The following ERAP2 variants were observed in gnomAD, a reference collection of about 807,000 sequenced individuals.
ERAP2 encodes the protein leukocyte-derived arginine aminopeptidase.
A neutral mutation model predicts 111.1 loss-of-function variants in ERAP2; 118 were observed. The ratio of observed to expected loss-of-function variants is 1.06; its 90% CI spans 0.92 to 1.24. ERAP2 has a LOEUF of 1.24. Ranked by LOEUF, ERAP2 falls within the 50% of genes most tolerant of loss-of-function variation. The pLI, the probability that ERAP2 is intolerant of heterozygous loss-of-function variation, is 0.00. For synonymous variants in ERAP2, 410 were observed against 401.2 expected (o/e 1.02, Z -0.26); for missense variants, 1,131 against 1,125.8 (o/e 1.00, Z -0.07).
At chr5:96,881,086 C>A in intron 2 of ERAP2, 1 of 229,422 alleles carries the variant, frequency 4.4e-6, no homozygotes, top group Non-Finnish European at 8.9e-6. Context: ...CTGAGGAGAG[C>A]GAACAAGAGG....
chr5:96,891,209 T>G (rs1300879408), intron 5 of ERAP2, among the ~76,000 whole-genome samples: 1 of 152,048 alleles, frequency 6.6e-6, no homozygotes, highest in Non-Finnish European at 1.5e-5. Flanking sequence ...TTTAAAAAAT[T>G]ATCTTTTTTT....
intron 3 of ERAP2, among the ~76,000 whole-genome samples, chr5:96,885,613 C>T (rs1300394141): frequency 1.3e-5 from 2 of 152,220 alleles, no homozygotes; most frequent in East Asian, 1.9e-4. Flanking sequence ...CAAAGCAAAT[C>T]GTAATCTTAT....
rs562630478 is a variant in ERAP2, at chr5:96,900,311, C to G, written c.1572+122C>G. On this transcript the variant is annotated intron_variant, in intron 10 of 18. Coordinates refer to ENST00000437043, the MANE Select transcript of ERAP2 (RefSeq NM_022350.5). ...AAGCTGGAGAGAAAGAGAGCCCCCA[C>G]GATTTTCTCTAAAACAAAACTGAAG... 5.0e-6 allele frequency: 7 copies of G among 1,395,894 alleles called. No individual in the cohort carries two copies. The African/African-American group carries it at 5.7e-5, about 11-fold the overall frequency. 86.5% of individuals were successfully genotyped at this position (1,395,894 alleles called of 1,614,324 possible).
At chr5:96,915,656 T>C (rs915564852) in intron 17 of ERAP2, 32 bp from the exon 18 acceptor site, 15 of 1,365,708 alleles carry the variant, frequency 1.1e-5, no homozygotes, top group Non-Finnish European at 1.5e-5. Context: ...AGTATTTCTA[T>C]GACTTTCTAT....
chr5:96,891,535 TAC>T (rs140359623), intron 5 of ERAP2, among the ~76,000 whole-genome samples: 60,756 of 138,372 alleles, frequency 0.44, 13,768 homozygotes, highest in East Asian at 0.53. Flanking sequence ...ACGGTATATA[TAC>T]ACACACACAC....
Position 96,892,341 on chromosome 5 carries a change from A to G in ERAP2, c.1013A>G (p.Asn338Ser), listed in dbSNP as rs769865750. 8.1e-6 allele frequency: 13 copies of G among 1,613,860 alleles called. No homozygotes were observed. The East Asian group carries it at 2.7e-4, about 33-fold the overall frequency. Residue 338 changes from asparagine to serine, a missense_variant, in exon 6 of 19, where the codon AAT becomes AGT. Asn to Ser is a conservative substitution (Grantham distance 46, BLOSUM62 1). This residue lies in a region of ERAP2 where 847 missense variants were observed against 856.5 expected (regional missense o/e 0.99). Coordinates refer to ENST00000437043, the MANE Select transcript of ERAP2 (RefSeq NM_022350.5). ...IPDFAPGAME[N>S]WGLITYRETS... ...GACTTTGCACCTGGAGCCATGGAAAATTGGGGCCTCATTACATATAGGGAG... is the reference window on the plus strand; with the variant it reads ...GACTTTGCACCTGGAGCCATGGAAAGTTGGGGCCTCATTACATATAGGGAG...
chr5:96,898,064 T>C (rs1489802840), intron 9 of ERAP2, among the ~76,000 whole-genome samples: 3 of 152,218 alleles, frequency 2.0e-5, no homozygotes, highest in Middle Eastern at 3.4e-3. Flanking sequence ...GGCATGGTGG[T>C]GCTTGCCTGT....
chr5:96,897,123 G>T (rs191598241), intron 9 of ERAP2, among the ~76,000 whole-genome samples: 2 of 152,200 alleles, frequency 1.3e-5, no homozygotes, highest in Admixed American at 6.5e-5. Flanking sequence ...ACACTTTTAT[G>T]TTCCCTTGAT....
chr5:96,915,807 T>C, intron 18 of ERAP2, 38 bp downstream of exon 18: 2 of 1,462,960 alleles, frequency 1.4e-6, no homozygotes, highest in South Asian at 2.5e-5. Flanking sequence ...TCAAAATAAA[T>C]GTTCAAATTG....
At chr5:96,909,488 C>A (rs1786470040) in intron 14 of ERAP2, 92 bp from the exon 15 acceptor site, 2 of 945,740 alleles carry the variant, frequency 2.1e-6, no homozygotes, top group Non-Finnish European at 3.3e-6. Context: ...GGGAAAGATG[C>A]AGAAAGTTTA....
Position 96,896,472 on chromosome 5 carries a change from C to T in ERAP2, c.1339C>T (p.Gln447Ter). 2 of 1,613,522 alleles carry T rather than the reference C, an allele frequency of 1.2e-6. No homozygotes were observed. The highest frequency in any genetic ancestry group is 1.1e-5 in the South Asian group (1 of 91,032). The change falls in exon 8 of 19, where the codon CAG becomes TAG. Residue 447 changes from glutamine (Q) to a stop codon, truncating the protein, a stop_gained. Transcript: ENST00000437043. LOFTEE classifies it high-confidence loss of function. ...SKPAETPTQI[Q>*]EMFDEVSYNK... ...ACCAGCGGAAACCCCGACTCAAATA[C>T]AGGAAATGTTTGATGAAGTTTCCTA...
chr5:96,902,405 G>A (rs748828576), intron 12 of ERAP2, 52 bp downstream of exon 12: 2 of 1,150,568 alleles, frequency 1.7e-6, no homozygotes, highest in Non-Finnish European at 2.6e-6. Context: ...TTAAACATGT[G>A]TTGAGCTATT....
chr5:96,887,793 T>A (rs1324638841), intron 4 of ERAP2, among the ~76,000 whole-genome samples: 1 of 152,192 alleles, frequency 6.6e-6, no homozygotes, highest in Non-Finnish European at 1.5e-5. Context: ...ATTATAGACT[T>A]AAAAACATTT....
intron 8 of ERAP2, 104 bp downstream of exon 8, chr5:96,896,608 C>A: frequency 6.8e-7 from 1 of 1,470,310 alleles, no homozygotes; most frequent in Non-Finnish European, 9.1e-7. Context: ...CTACTTGTTT[C>A]ACTTTTTATT....
intron 5 of ERAP2, among the ~76,000 whole-genome samples, chr5:96,891,551 C>T (rs1784395514): frequency 1.4e-5 from 2 of 143,310 alleles, no homozygotes; most frequent in African/African-American, 2.7e-5. Context: ...CACACACACA[C>T]ACACACACAC....
At chr5:96,885,150 C>T (rs1156936114) in intron 3 of ERAP2, among the ~76,000 whole-genome samples, 2 of 152,194 alleles carry the variant, frequency 1.3e-5, no homozygotes, top group East Asian at 3.9e-4. Context: ...TCTCTGCCAC[C>T]AGCCTTCTAG....
At chr5:96,889,803 GA>G (rs1429987472) in intron 5 of ERAP2, among the ~76,000 whole-genome samples, 1 of 150,136 alleles carries the variant, frequency 6.7e-6, no homozygotes, top group Non-Finnish European at 1.5e-5. Context: ...GCATTGATTA[GA>G]GAATGGATTT....
intron 2 of ERAP2, among the ~76,000 whole-genome samples, chr5:96,883,130 C>A (rs1449755775): frequency 1.3e-5 from 2 of 152,136 alleles, no homozygotes; most frequent in Admixed American, 6.6e-5. Context: ...AACAATGGTA[C>A]AAGAATATGA....
At chr5:96,896,330 T>C (rs1423534919) in intron 7 of ERAP2, 43 bp from the exon 8 acceptor site, 1 of 1,501,234 alleles carries the variant, frequency 6.7e-7, no homozygotes, top group Non-Finnish European at 9.2e-7. Context: ...GCTTTTACAG[T>C]GTCAAATAGA....
Sources: allele counts gnomAD v4.1 joint callset (sites outside exome capture counted in the v4.1 genomes callset), GRCh38; gene constraint gnomAD v4.1.1; regional missense constraint gnomAD v4.1.1; transcripts MANE v1.5; gene names NCBI Gene and HGNC (gene_info 2026-07-23, HGNC 2026-07-21).